LIMK2: variants seen among roughly 807,000 people sequenced by gnomAD.
The protein encoded by LIMK2 is LIM domain kinase 2.
A neutral mutation model predicts 75.7 loss-of-function variants in LIMK2; 35 were observed. The observed-to-expected ratio is 0.46, with a 90% CI of 0.35 to 0.61. LIMK2 has a LOEUF of 0.61. LIMK2 is among the 20% of genes least tolerant of loss of function. The pLI, the probability that LIMK2 is intolerant of heterozygous loss-of-function variation, is 0.00. For missense variants in LIMK2, 623 were observed against 831.0 expected (o/e 0.75, Z 3.08); for synonymous variants, 301 against 319.2 (o/e 0.94, Z 0.61).
chr22:31,227,691 A>G (rs1402397166), intron 2 of LIMK2, among the ~76,000 whole-genome samples: 3 of 152,238 alleles, frequency 2.0e-5, no homozygotes, highest in African/African-American at 7.2e-5. Flanking sequence ...GTCAAAACCC[A>G]ATGAGTTCAC....
Position 31,262,473 on chromosome 22 carries a change from A to T in LIMK2, c.658-122A>T. On this transcript the variant is annotated intron_variant, in intron 6 of 15. Coordinates refer to ENST00000331728, the MANE Select transcript of LIMK2 (RefSeq NM_005569.4). This position sits in a 1 kb window ranked among gnomAD's most constrained non-coding sequence, Gnocchi z 5.0. Reference sequence around the variant, plus strand: ...CAGAGGGCACTGTGAGGCCACTGGCAGCTAAAGGCCACCATTAGACAAGTT... The same window carrying T: ...CAGAGGGCACTGTGAGGCCACTGGCTGCTAAAGGCCACCATTAGACAAGTT... 1 of 985,148 alleles carries T rather than the reference A, an allele frequency of 1.0e-6. No homozygotes were observed. The highest frequency in any genetic ancestry group is 1.5e-6 in the Non-Finnish European group (1 of 649,074). The allele number at this position is 985,148 out of a possible 1,614,324, so 61.0% of individuals were successfully genotyped here.
chr22:31,246,179 G>GCGCACACACACACACA (rs1555886265), intron 2 of LIMK2, among the ~76,000 whole-genome samples: 37 of 69,824 alleles, frequency 5.3e-4, no homozygotes, highest in Admixed American at 6.4e-4. Flanking sequence ...ACACACGCAC[G>GCGCACACACACACACA]CACGCACACA....
chr22:31,247,563 G>GA (rs1281594123), intron 2 of LIMK2, among the ~76,000 whole-genome samples: 1 of 152,170 alleles, frequency 6.6e-6, no homozygotes, highest in African/African-American at 2.4e-5. Context: ...GAGAGCTTTG[G>GA]AAAAGATTTT....
intron 2 of LIMK2, among the ~76,000 whole-genome samples, chr22:31,254,126 C>T (rs2048753132): frequency 6.6e-6 from 1 of 152,250 alleles, no homozygotes; most frequent in South Asian, 2.1e-4. Flanking sequence ...GTGTTCTTCC[C>T]AGCAGGCTGG....
chr22:31,265,519 C>G (rs1027935981), intron 7 of LIMK2, among the ~76,000 whole-genome samples: 23 of 151,570 alleles, frequency 1.5e-4, no homozygotes, highest in African/African-American at 5.3e-4. Flanking sequence ...GCCTGGTTGA[C>G]AGAGCGAGAC....
intron 2 of LIMK2, among the ~76,000 whole-genome samples, chr22:31,231,389 C>G (rs2048527304): frequency 6.6e-6 from 1 of 152,208 alleles, no homozygotes; most frequent in African/African-American, 2.4e-5. Flanking sequence ...ACTTACTAAC[C>G]TAAACCTTTG....
intron 2 of LIMK2, among the ~76,000 whole-genome samples, chr22:31,237,343 C>T (rs532953795): frequency 1.3e-5 from 2 of 151,270 alleles, no homozygotes; most frequent in East Asian, 3.9e-4. Context: ...GCGGGCGGAT[C>T]ACCTGAGGTC....
chr22:31,248,852 C>T (rs2048696799), intron 2 of LIMK2: 1 of 1,422,508 alleles, frequency 7.0e-7, no homozygotes, highest in South Asian at 1.2e-5. Flanking sequence ...ATCTCCTTCT[C>T]ACTTAGTCCT....
intron 2 of LIMK2, among the ~76,000 whole-genome samples, chr22:31,249,521 A>G (rs375064304): frequency 2.0e-5 from 3 of 151,150 alleles, no homozygotes; most frequent in East Asian, 3.9e-4. Flanking sequence ...TCATTGCCCC[A>G]CTCCACCTCC....
At chr22:31,249,795 A>G (rs776650362) in intron 2 of LIMK2, among the ~76,000 whole-genome samples, 34 of 152,066 alleles carry the variant, frequency 2.2e-4, no homozygotes, top group Non-Finnish European at 4.4e-4. Context: ...TTGTGGAATG[A>G]CCGGACCCTG....
chr22:31,252,587 AAG>A (rs143698490), intron 2 of LIMK2, among the ~76,000 whole-genome samples: 119,066 of 150,952 alleles, frequency 0.79, 47,942 homozygotes, highest in African/African-American at 0.95. Flanking sequence ...TAGATAAATA[AAG>A]GTCATTTTAG....
In LIMK2 at chr22:31,233,050, A is replaced by G. The variant is rs139676894; in HGVS notation, c.116+7231A>G. Among the ~76,000 whole-genome samples, 1,370 of 152,318 alleles carry G rather than the reference A, an allele frequency of 9.0e-3. 13 individuals are homozygous for G. The highest frequency in any genetic ancestry group is 0.012 in the Non-Finnish European group (792 of 68,026). On this transcript the variant is annotated intron_variant, in intron 2 of 15. Coordinates refer to ENST00000331728, the MANE Select transcript of LIMK2 (RefSeq NM_005569.4). ...GAATAACAGCTTCATCAGTCTGTCT[A>G]CCGACCACTCTTCAGGCTTCATCTT... is the stretch of plus-strand genomic sequence containing the variant.
chr22:31,262,609 TAGCCAGACG>T lies in LIMK2; in HGVS notation c.681_689del (p.Ser228_Thr230del), dbSNP rs1485321274. ...CTTGGCCACAGGTGGAGGATGCAAT[TAGCCAGACG>T]AGCCAGACACTTCAGCTGTTGATTG... is the stretch of plus-strand genomic sequence containing the variant. On this transcript the variant is annotated inframe_deletion, in exon 7 of 16. Coordinates refer to ENST00000331728, the MANE Select transcript of LIMK2 (RefSeq NM_005569.4). The surrounding 1 kb of genome is among the most constrained non-coding windows in gnomAD (Gnocchi z 5.0). The T allele has an allele frequency of 6.2e-7, 1 of 1,612,530 alleles. No homozygotes were observed. The highest frequency in any genetic ancestry group is 8.5e-7 in the Non-Finnish European group (1 of 1,179,068).
At position 31,248,905 on chromosome 22, in the gene LIMK2, C is replaced by T. The variant is rs1381922119; in HGVS notation, c.117-9386C>T. The T allele has an allele frequency of 4.4e-6, 4 of 914,628 alleles. No homozygotes were observed. The East Asian group carries it at 1.0e-4, about 23-fold the overall frequency. The allele number at this position is 914,628 out of a possible 1,614,324, so 56.7% of individuals were successfully genotyped here. A position where few individuals can be genotyped will look rare whatever the true frequency, so the allele number is the denominator to read the frequency against. ...GGGCAGAAGCCAGCGGAGGTTATAC[C>T]CAAGGAGAATCGGCCTTGTGAGGTA... On this transcript the variant is annotated intron_variant, in intron 2 of 15. Coordinates refer to ENST00000331728, the MANE Select transcript of LIMK2 (RefSeq NM_005569.4).
At chr22:31,213,771 T>G (rs1001271369) in intron 1 of LIMK2, among the ~76,000 whole-genome samples, 1 of 152,062 alleles carries the variant, frequency 6.6e-6, no homozygotes, top group African/African-American at 2.4e-5. Flanking sequence ...TAAAAAAGAT[T>G]TTTTTTAAGC....
intron 15 of LIMK2, among the ~76,000 whole-genome samples, chr22:31,276,568 G>A (rs1479534427): frequency 6.9e-6 from 1 of 145,492 alleles, no homozygotes; most frequent in African/African-American, 2.5e-5. Flanking sequence ...AGCTGCCCCC[G>A]GGCGCCCCCG....
intron 5 of LIMK2, among the ~76,000 whole-genome samples, chr22:31,261,694 G>A (rs968570377): frequency 1.3e-5 from 2 of 152,278 alleles, no homozygotes; most frequent in South Asian, 4.1e-4. Context: ...CTTGAGCCTG[G>A]GAGGTGGAGG....
At chr22:31,253,110 T>G (rs1311846947) in intron 2 of LIMK2, among the ~76,000 whole-genome samples, 2 of 152,228 alleles carry the variant, frequency 1.3e-5, no homozygotes, top group African/African-American at 2.4e-5. Context: ...GAGGTTGTCC[T>G]TAGGCATAGC....
chr22:31,261,366 T>G (rs2048836722), intron 5 of LIMK2, among the ~76,000 whole-genome samples: 1 of 152,004 alleles, frequency 6.6e-6, no homozygotes, highest in South Asian at 2.1e-4. Flanking sequence ...GCTAACACAA[T>G]GAAACCCCGT....
Sources: allele counts gnomAD v4.1 joint callset (sites outside exome capture counted in the v4.1 genomes callset), GRCh38; gene constraint gnomAD v4.1.1; non-coding constraint Gnocchi (gnomAD v3.1); transcripts MANE v1.5; gene names NCBI Gene and HGNC (gene_info 2026-07-23, HGNC 2026-07-21).